YWHAE: variants seen among roughly 807,000 people sequenced by gnomAD.
YWHAE encodes tyrosine 3-monooxygenase/tryptophan 5-monooxygenase activation protein epsilon, also known as 14-3-3 protein epsilon.
YWHAE carries 4 observed loss-of-function variants against 30.1 expected under a neutral mutation model. That is an observed-to-expected ratio of 0.13 (90% CI 0.07 to 0.30). The LOEUF (loss-of-function observed/expected upper bound fraction) is 0.30. Among genes scored for constraint, YWHAE ranks in the 10% least tolerant of loss-of-function variants. The pLI, the probability that YWHAE is intolerant of heterozygous loss-of-function variation, is 1.00. For synonymous variants in YWHAE, 118 were observed against 111.8 expected (o/e 1.06, Z -0.35); for missense variants, 121 against 315.9 (o/e 0.38, Z 4.68).
chr17:1,387,704 T>C (rs1005584840), intron 1 of YWHAE, among the ~76,000 whole-genome samples: 1 of 151,996 alleles, frequency 6.6e-6, no homozygotes, highest in Non-Finnish European at 1.5e-5. Context: ...ATTCTGCAGC[T>C]TTCTACCTCC....
At chr17:1,394,100 T>C (rs534376054) in intron 1 of YWHAE, among the ~76,000 whole-genome samples, 24 of 152,188 alleles carry the variant, frequency 1.6e-4, no homozygotes, top group Admixed American at 5.9e-4. Flanking sequence ...TGGCTGAGAG[T>C]AAGTGTACCG....
intron 4 of YWHAE, among the ~76,000 whole-genome samples, chr17:1,359,339 C>A (rs2072815085): frequency 6.6e-6 from 1 of 151,794 alleles, no homozygotes; most frequent in Non-Finnish European, 1.5e-5. Context: ...AATTTTCAGT[C>A]CCAATTCCAC....
intron 1 of YWHAE, among the ~76,000 whole-genome samples, chr17:1,375,305 A>G (rs556239259): frequency 1.1e-4 from 17 of 152,312 alleles, no homozygotes; most frequent in Admixed American, 9.8e-4. Context: ...ACTCTAGACT[A>G]ACTACACCCT....
chr17:1,359,067 C>CAG (rs906193412), intron 4 of YWHAE, among the ~76,000 whole-genome samples: 3 of 151,322 alleles, frequency 2.0e-5, no homozygotes, highest in Admixed American at 6.6e-5. Flanking sequence ...ACCTGGAAGG[C>CAG]AGAGGTTGCA....
intron 1 of YWHAE, among the ~76,000 whole-genome samples, chr17:1,389,263 G>A (rs1028102381): frequency 6.6e-5 from 10 of 152,106 alleles, no homozygotes; most frequent in South Asian, 2.1e-4. Flanking sequence ...GCCACTGCAC[G>A]TGGCCCCTAC....
rs2131433 is a variant in YWHAE, at chr17:1,394,253, C to A, written c.64+5794G>T. ...CGCTCTACCTGCTTCAATCTTGTTA[C>A]ATAAATTAAAAACTTTTGTCAACGT... is the stretch of plus-strand genomic sequence containing the variant. On this transcript the variant is annotated intron_variant, in intron 1 of 5. Coordinates refer to ENST00000264335, the MANE Select transcript of YWHAE (RefSeq NM_006761.5). 7.9e-5 allele frequency among the ~76,000 whole-genome samples: 12 copies of A among 151,650 alleles called. No homozygotes were observed. In the East Asian group the frequency reaches 2.1e-3, roughly 27 times the overall value.
intron 1 of YWHAE, among the ~76,000 whole-genome samples, chr17:1,375,785 G>C (rs772383200): frequency 1.3e-5 from 2 of 152,190 alleles, no homozygotes; most frequent in Non-Finnish European, 2.9e-5. Context: ...GCTGCCAGTA[G>C]AGTCACAAGT....
rs1217126187 is a variant in YWHAE, at chr17:1,362,096, G to A, written c.265-88C>T. 39 of 759,794 alleles carry A rather than the reference G, an allele frequency of 5.1e-5. 2 individuals are homozygous for A. In the South Asian group the frequency reaches 1.0e-3, roughly 20 times the overall value. The allele number at this position is 759,794 out of a possible 1,614,324, so 47.1% of individuals were successfully genotyped here. On this transcript the variant is annotated intron_variant, in intron 2 of 5. Transcript: ENST00000264335. ...ATTCTATCTCTGGTTTTGAGGTAGA[G>A]AGCTTAGTATTAAAAAGAATTTGTA...
At chr17:1,378,570 A>C (rs10521111) in intron 1 of YWHAE, among the ~76,000 whole-genome samples, 7 of 152,216 alleles carry the variant, frequency 4.6e-5, no homozygotes, top group Non-Finnish European at 7.3e-5. Context: ...TCTGGGAAGC[A>C]TCAGTTCTGT....
At chr17:1,399,018 T>C (rs558794259) in intron 1 of YWHAE, 2 of 152,202 alleles carry the variant, frequency 1.3e-5, no homozygotes, top group African/African-American at 2.4e-5. Context: ...ATTCCGAGCC[T>C]GCAGAGTCAA....
intron 2 of YWHAE, 69 bp downstream of exon 2, chr17:1,364,790 T>C: frequency 6.4e-7 from 1 of 1,554,678 alleles, no homozygotes; most frequent in Non-Finnish European, 8.8e-7. Context: ...TCTCTCAAAA[T>C]CTTAAGTGTA....
In YWHAE at chr17:1,388,108, TTTTTGGTTG is replaced by T. The variant is rs1173669887; in HGVS notation, c.64+11930_64+11938del. Among the ~76,000 whole-genome samples, 17 of 46,646 alleles carry T rather than the reference TTTTTGGTTG, an allele frequency of 3.6e-4. 2 individuals are homozygous for T. The highest frequency in any genetic ancestry group is 2.1e-3 in the African/African-American group (16 of 7,700). 30.6% of individuals were successfully genotyped at this position (46,646 alleles called of 152,430 possible). A position where few individuals can be genotyped will look rare whatever the true frequency, so the allele number is the denominator to read the frequency against. ...CACGCCTGGGTAATTTTTGTTTTTT[TTTTTGGTTG>T]GTTTTTTTTTTTTTTTTTTTTTTTT... is the stretch of plus-strand genomic sequence containing the variant. On this transcript the variant is annotated intron_variant, in intron 1 of 5. Coordinates refer to ENST00000264335, the MANE Select transcript of YWHAE (RefSeq NM_006761.5).
chr17:1,398,668 C>T lies in YWHAE; in HGVS notation c.64+1379G>A, dbSNP rs77304011. ...AAAACCACAGGACCCACAGACATGA[C>T]CTTTCGTTTAATACTACAGTATCGC... On this transcript the variant is annotated intron_variant, in intron 1 of 5. Coordinates refer to ENST00000264335, the MANE Select transcript of YWHAE (RefSeq NM_006761.5). Among the ~76,000 whole-genome samples the T allele has an allele frequency of 4.4e-3, 667 of 152,234 alleles. 8 individuals carry two copies. Among genetic ancestry groups the T allele is most frequent in the African/African-American group, 0.015 (619 of 41,544 alleles).
At chr17:1,385,558 G>C (rs2073287579) in intron 1 of YWHAE, among the ~76,000 whole-genome samples, 1 of 152,146 alleles carries the variant, frequency 6.6e-6, no homozygotes, top group Non-Finnish European at 1.5e-5. Context: ...CCACAGACCA[G>C]TATGGGTGCA....
intron 1 of YWHAE, among the ~76,000 whole-genome samples, chr17:1,366,277 T>C (rs895999991): frequency 1.3e-5 from 2 of 151,682 alleles, no homozygotes; most frequent in South Asian, 2.1e-4. Context: ...TAGTGGCTCA[T>C]GCATATAATC....
chr17:1,388,283 G>A (rs1298838823), intron 1 of YWHAE, among the ~76,000 whole-genome samples: 1 of 150,886 alleles, frequency 6.6e-6, no homozygotes, highest in East Asian at 2.0e-4. Flanking sequence ...TTGGGAGGCT[G>A]AGTTGGGCGG....
At chr17:1,370,400 G>A (rs894839740) in intron 1 of YWHAE, among the ~76,000 whole-genome samples, 2 of 151,532 alleles carry the variant, frequency 1.3e-5, no homozygotes, top group East Asian at 3.9e-4. Flanking sequence ...CAAAGTGCTG[G>A]GATTACAGGC....
chr17:1,356,522 C>A, intron 4 of YWHAE, among the ~76,000 whole-genome samples: 1 of 152,190 alleles, frequency 6.6e-6, no homozygotes, highest in Non-Finnish European at 1.5e-5. Flanking sequence ...CAAAGGCATG[C>A]GAGTGACTTT....
intron 5 of YWHAE, among the ~76,000 whole-genome samples, chr17:1,353,566 C>T (rs899450470): frequency 3.9e-5 from 6 of 151,930 alleles, no homozygotes; most frequent in Admixed American, 3.3e-4. Flanking sequence ...AGTTCAAGAC[C>T]AGCCTGACCA....
Sources: allele counts gnomAD v4.1 joint callset (sites outside exome capture counted in the v4.1 genomes callset), GRCh38; gene constraint gnomAD v4.1.1; transcripts MANE v1.5; gene names NCBI Gene and HGNC (gene_info 2026-07-23, HGNC 2026-07-21).